Variants in FSTL5 observed in about 807,000 individuals in gnomAD.
FSTL5 encodes follistatin like 5, also known as follistatin-related protein 5.
Under a neutral mutation model 89.1 loss-of-function variants are expected in FSTL5, and 62 were observed. The ratio of observed to expected loss-of-function variants is 0.70; its 90% CI spans 0.57 to 0.86. FSTL5 has a LOEUF of 0.86. Ranked by LOEUF, FSTL5 falls within the 40% of genes least tolerant of loss-of-function variation. The probability of loss-of-function intolerance (pLI) is 0.00; values close to 1 mark genes in which losing one functional copy is unlikely to be tolerated. For missense variants in FSTL5, 1,057 were observed against 1,001.6 expected, an observed-to-expected ratio of 1.06 and a Z score of -0.75; for synonymous variants, 383 against 346.2, an observed-to-expected ratio of 1.11 and a Z score of -1.18.
In FSTL5 at chr4:161,740,603, T is replaced by C. The variant is rs117712064; in HGVS notation, c.727+18808A>G. ...TTGAATTTCCATGTTATTTATGCTA[T>C]ATCACATTATATTGACACATGGTCA... is the stretch of plus-strand genomic sequence containing the variant. On this transcript the variant is annotated intron_variant, in intron 6 of 15. Coordinates refer to ENST00000306100, the MANE Select transcript of FSTL5 (RefSeq NM_020116.5). Among the ~76,000 whole-genome samples the C allele has an allele frequency of 4.1e-3, 622 of 152,336 alleles. 5 individuals carry two copies. Among genetic ancestry groups the C allele is most frequent in the East Asian group, 0.031 (159 of 5,180 alleles).
At chr4:161,864,137 C>A (rs1183464543) in intron 4 of FSTL5, among the ~76,000 whole-genome samples, 2 of 152,094 alleles carry the variant, frequency 1.3e-5, no homozygotes, top group Non-Finnish European at 2.9e-5. Flanking sequence ...AAGCTCCATC[C>A]TGAAATACTT....
intron 13 of FSTL5, among the ~76,000 whole-genome samples, chr4:161,469,433 G>A (rs1560910001): frequency 6.6e-6 from 1 of 151,966 alleles, no homozygotes; most frequent in Non-Finnish European, 1.5e-5. Context: ...AACGCACAAG[G>A]GTTTCAATCT....
At chr4:162,044,837 A>C (rs896837716) in intron 2 of FSTL5, among the ~76,000 whole-genome samples, 17 of 152,260 alleles carry the variant, frequency 1.1e-4, no homozygotes, top group Admixed American at 3.3e-4. Flanking sequence ...ACAGCTTCCA[A>C]CTTTTCTTCT....
Position 162,111,292 on chromosome 4 carries a change from A to G in FSTL5, c.105T>C (p.Pro35=), listed in dbSNP as rs1561024839. Residue 35 remains proline (P), a synonymous_variant, in exon 2 of 16, where the codon CCT becomes CCC. Coordinates refer to ENST00000306100, the MANE Select transcript of FSTL5 (RefSeq NM_020116.5). ...EGGYGLKSYQ[P]LMRLRHKQEK... ...GTACCTTATGTCGCAATCTCATTAG[A>G]GGCTGATAGGATTTAAGGCCATATC... 1 of 1,610,896 alleles carries G rather than the reference A, an allele frequency of 6.2e-7. No homozygotes were observed. Among genetic ancestry groups the G allele is most frequent in the Non-Finnish European group, 8.5e-7 (1 of 1,177,840 alleles).
At chr4:161,752,236 G>A (rs1419519400) in intron 6 of FSTL5, among the ~76,000 whole-genome samples, 3 of 141,360 alleles carry the variant, frequency 2.1e-5, no homozygotes, top group Non-Finnish European at 4.7e-5. Context: ...CAGATAGATA[G>A]ATAGATAGAT....
rs143181414 is a variant in FSTL5, at chr4:161,504,031, T to G, written c.1340-3897A>C. On this transcript the variant is annotated intron_variant, in intron 11 of 15. Transcript: ENST00000306100. ...ATATCACAATTCATGCAGAAGCAGA[T>G]GTAAGAATCCAGCATCTTCTATTAA... Among the ~76,000 whole-genome samples the G allele has an allele frequency of 3.0e-4, 45 of 152,042 alleles. No individual in the cohort carries two copies. In the East Asian group the frequency reaches 8.5e-3, roughly 29 times the overall value.
intron 4 of FSTL5, among the ~76,000 whole-genome samples, chr4:161,866,659 A>C (rs1206952157): frequency 6.6e-6 from 1 of 151,964 alleles, no homozygotes; most frequent in Non-Finnish European, 1.5e-5. Context: ...CCTTAACAAC[A>C]ATTATAATTT....
chr4:161,410,611 T>G (rs1395905256), intron 15 of FSTL5, among the ~76,000 whole-genome samples: 1 of 152,064 alleles, frequency 6.6e-6, no homozygotes, highest in Non-Finnish European at 1.5e-5. Context: ...TTAAACAACT[T>G]TCTCCTGAAG....
chr4:161,682,910 C>T (rs973439837), intron 6 of FSTL5, among the ~76,000 whole-genome samples: 7 of 152,026 alleles, frequency 4.6e-5, no homozygotes, highest in Admixed American at 3.9e-4. Flanking sequence ...CCACACCTAG[C>T]TAATTTTTGT....
intron 3 of FSTL5, among the ~76,000 whole-genome samples, chr4:162,029,242 A>G (rs1737424222): frequency 1.3e-5 from 2 of 151,802 alleles, no homozygotes. Flanking sequence ...CCAAATACAC[A>G]CTTTTAATTT....
chr4:161,969,898 T>C (rs989995225), intron 3 of FSTL5, among the ~76,000 whole-genome samples: 1 of 151,950 alleles, frequency 6.6e-6, no homozygotes, highest in Non-Finnish European at 1.5e-5. Flanking sequence ...AGATAAAAAA[T>C]ATGGTGTATG....
At chr4:161,454,907 AT>A (rs1204231336) in intron 15 of FSTL5, 96 bp downstream of exon 15, 2 of 1,141,820 alleles carry the variant, frequency 1.8e-6, no homozygotes, top group East Asian at 2.5e-5. Context: ...GTACATGTGT[AT>A]TTGTTTCATA....
intron 6 of FSTL5, among the ~76,000 whole-genome samples, chr4:161,685,289 T>C (rs1737674703): frequency 6.6e-6 from 1 of 152,148 alleles, no homozygotes; most frequent in Admixed American, 6.5e-5. Flanking sequence ...TGAAGAATGA[T>C]GGTGGTATTT....
At chr4:161,821,686 A>G (rs770765925) in intron 4 of FSTL5, among the ~76,000 whole-genome samples, 15 of 152,050 alleles carry the variant, frequency 9.9e-5, no homozygotes, top group Non-Finnish European at 2.1e-4. Context: ...TTTATTCCTG[A>G]GTTACTTCAA....
chr4:161,625,023 C>T (rs900563222), intron 7 of FSTL5, among the ~76,000 whole-genome samples: 1 of 151,996 alleles, frequency 6.6e-6, no homozygotes, highest in African/African-American at 2.4e-5. Context: ...TACCAGTTTG[C>T]CATTCTAGGA....
chr4:161,969,068 G>A (rs943285944), intron 3 of FSTL5, among the ~76,000 whole-genome samples: 4 of 151,706 alleles, frequency 2.6e-5, no homozygotes, highest in South Asian at 2.1e-4. Flanking sequence ...AGTTTTTACC[G>A]CATTGACTGG....
chr4:161,545,484 T>C (rs1307631597), intron 8 of FSTL5, among the ~76,000 whole-genome samples: 1 of 152,046 alleles, frequency 6.6e-6, no homozygotes, highest in Non-Finnish European at 1.5e-5. Flanking sequence ...ATATAGTGAT[T>C]TATCTCTTCT....
At chr4:162,002,401 G>C (rs1368450807) in intron 3 of FSTL5, among the ~76,000 whole-genome samples, 1 of 152,094 alleles carries the variant, frequency 6.6e-6, no homozygotes, top group African/African-American at 2.4e-5. Context: ...CACCGCACTG[G>C]GGCTCCGTAG....
At chr4:162,047,037 A>C (rs1249309603) in intron 2 of FSTL5, among the ~76,000 whole-genome samples, 1 of 152,178 alleles carries the variant, frequency 6.6e-6, no homozygotes, top group East Asian at 1.9e-4. Flanking sequence ...TTGCACAAAA[A>C]TAACTATACT....
Sources: gnomAD v4.1 joint callset for allele counts (sites outside exome capture counted in the v4.1 genomes callset) on GRCh38, gnomAD v4.1.1 for gene constraint, MANE v1.5 for transcripts, NCBI Gene and HGNC (gene_info 2026-07-23, HGNC 2026-07-21) for gene names.